Variants in USP21 observed in about 807,000 individuals in gnomAD.
USP21 encodes ubiquitin carboxyl-terminal hydrolase 21.
USP21 carries 37 observed loss-of-function variants against 70.8 expected under a neutral mutation model. That is an observed-to-expected ratio of 0.52 (90% CI 0.40 to 0.69). The LOEUF is 0.69. Among genes scored for constraint, USP21 ranks in the 30% least tolerant of loss-of-function variants. The probability of loss-of-function intolerance (pLI) is 0.00; values close to 1 mark genes in which losing one functional copy is unlikely to be tolerated. For missense variants in USP21, 584 were observed against 740.8 expected, an observed-to-expected ratio of 0.79 and a Z score of 2.46; for synonymous variants, 263 against 283.1, an observed-to-expected ratio of 0.93 and a Z score of 0.71.
Position 161,162,666 on chromosome 1 carries a change from T to A in USP21, c.833T>A (p.Val278Glu). Residue 278 changes from valine (V) to glutamate (E), a missense_variant, in exon 6 of 14, where the codon GTG becomes GAG. By Grantham distance (121) the Val-to-Glu change is moderately radical (BLOSUM62 -2). Around this residue, in one of 4 missense-constraint regions of USP21, gnomAD observed 87 missense variants for 162.4 expected, o/e 0.54. Coordinates refer to ENST00000368002, the MANE Select transcript of USP21 (RefSeq NM_001014443.3). The surrounding 1 kb of genome is among the most constrained non-coding windows in gnomAD (Gnocchi z 4.1). ...TGGCACCCTGACTCCTGCGAAGCTG[T>A]GAATCCTACTCGATTCCGAGCTGTC... is the stretch of plus-strand genomic sequence containing the variant. ...ALWHPDSCEA[V>E]NPTRFRAVFQ... The A allele has an allele frequency of 6.2e-7, 1 of 1,614,216 alleles. No individual in the cohort carries two copies.
At chr1:161,163,742 T>C in intron 8 of USP21, 123 bp downstream of exon 8, 1 of 1,340,074 alleles carries the variant, frequency 7.5e-7, no homozygotes, top group Non-Finnish European at 1.1e-6. Flanking sequence ...TGTGAAGCTG[T>C]GTGAAGAGTT....
chr1:161,161,438 A>G lies in USP21; in HGVS notation c.600+198A>G, dbSNP rs889086984. 1.1e-5 allele frequency: 7 copies of G among 619,330 alleles called. No homozygotes were observed. Among genetic ancestry groups the G allele is most frequent in the Non-Finnish European group, 1.9e-5 (7 of 371,750 alleles). 38.4% of individuals were successfully genotyped at this position (619,330 alleles called of 1,614,324 possible). A position where few individuals can be genotyped will look rare whatever the true frequency, so the allele number is the denominator to read the frequency against. On this transcript the variant is annotated intron_variant, in intron 3 of 13. Coordinates refer to ENST00000368002, the MANE Select transcript of USP21 (RefSeq NM_001014443.3). This position sits in a 1 kb window ranked among gnomAD's most constrained non-coding sequence, Gnocchi z 4.2. ...TTTGGGTTGTTGGTGACTCTTCAGC[A>G]TGGTGTGCCATTTCGGTCCCCAGGG... is the stretch of plus-strand genomic sequence containing the variant.
Position 161,164,141 on chromosome 1 carries a change from C to T in USP21, c.1219-23C>T, listed in dbSNP as rs1180494038. ...GAAAAGGAAATTCAGAACATGTTGA[C>T]CTTTCTTCCCCTTTTCCCCCAGAAA... On this transcript the variant is annotated intron_variant, in intron 9 of 13. Coordinates refer to ENST00000368002, the MANE Select transcript of USP21 (RefSeq NM_001014443.3). This position sits in a 1 kb window ranked among gnomAD's most constrained non-coding sequence, Gnocchi z 4.2. The T allele has an allele frequency of 3.1e-6, 5 of 1,611,716 alleles. No individual in the cohort carries two copies. Among genetic ancestry groups the T allele is most frequent in the East Asian group, 4.5e-5 (2 of 44,874 alleles).
chr1:161,160,060 G>A (rs1657782085), intron 1 of USP21, among the ~76,000 whole-genome samples: 1 of 152,166 alleles, frequency 6.6e-6, no homozygotes, highest in East Asian at 1.9e-4. Context: ...TGCTTCATTT[G>A]CAGCCCAGAG....
Position 161,162,209 on chromosome 1 carries a change from T to C in USP21, c.661-61T>C. The C allele has an allele frequency of 2.5e-6, 4 of 1,612,286 alleles. No homozygotes were observed. The highest frequency in any genetic ancestry group is 3.4e-6 in the Non-Finnish European group (4 of 1,178,744). The stretch of plus-strand genomic sequence containing the variant: ...ATGTGGAAGGAGAGCTCTGAAGCTC[T>C]TCTAAGGCTTCCTGGGCAGTGGTCT... On this transcript the variant is annotated intron_variant, in intron 4 of 13. Transcript: ENST00000368002. This position sits in a 1 kb window ranked among gnomAD's most constrained non-coding sequence, Gnocchi z 4.1.
intron 7 of USP21, 111 bp from the exon 8 acceptor site, chr1:161,163,444 C>T (rs1435911358): frequency 1.1e-6 from 1 of 941,384 alleles, no homozygotes. Context: ...AGGGAAGGAG[C>T]AGGGGTGTGG....
rs1248242227 is a variant in USP21, at chr1:161,164,283, G to T, written c.1305+33G>T. ...GAGGTTCACAAGGGATACAGTAAGG[G>T]TGGGAGACCTGGGGGGACTCCATGT... On this transcript the variant is annotated intron_variant, in intron 10 of 13. Transcript: ENST00000368002. The surrounding 1 kb of genome is among the most constrained non-coding windows in gnomAD (Gnocchi z 4.2). 1 of 1,600,634 alleles carries T rather than the reference G, an allele frequency of 6.2e-7. No individual in the cohort carries two copies. The highest frequency in any genetic ancestry group is 1.7e-5 in the Admixed American group (1 of 60,000).
chr1:161,164,963 C>T lies in USP21; in HGVS notation c.1492+21C>T. 1 of 1,613,596 alleles carries T rather than the reference C, an allele frequency of 6.2e-7. No individual in the cohort carries two copies. The highest frequency in any genetic ancestry group is 2.2e-5 in the East Asian group (1 of 44,850). ...AGCCGGTGAGTCTGGTGGGGAAAGT[C>T]CTAAGGAGCCAAAGGAGTGGGGGCA... On this transcript the variant is annotated intron_variant, in intron 12 of 13. Transcript: ENST00000368002. This position sits in a 1 kb window ranked among gnomAD's most constrained non-coding sequence, Gnocchi z 4.2.
chr1:161,164,229 G>A lies in USP21; in HGVS notation c.1284G>A (p.Glu428=). Residue 428 remains glutamate, a synonymous_variant, in exon 10 of 14, where the codon GAG becomes GAA. Coordinates refer to ENST00000368002, the MANE Select transcript of USP21 (RefSeq NM_001014443.3). This position sits in a 1 kb window ranked among gnomAD's most constrained non-coding sequence, Gnocchi z 4.2. The stretch of plus-strand genomic sequence containing the variant: ...TCAACCTTTTCACTAAGGAAGAAGA[G>A]CTAGAGTCGGAGAATGCCCCAGTAT... ...DCFNLFTKEE[E]LESENAPVCD... 2 of 1,614,220 alleles carry A rather than the reference G, an allele frequency of 1.2e-6. No individual in the cohort carries two copies. Among genetic ancestry groups the A allele is most frequent in the Non-Finnish European group, 1.7e-6 (2 of 1,180,048 alleles).
rs1658296459 is a variant in USP21, at chr1:161,164,402, G to C, written c.1306-132G>C. The C allele has an allele frequency of 7.5e-7, 1 of 1,333,630 alleles. No homozygotes were observed. The allele number at this position is 1,333,630 out of a possible 1,614,324, so 82.6% of individuals were successfully genotyped here. A position where few individuals can be genotyped will look rare whatever the true frequency, so the allele number is the denominator to read the frequency against. On this transcript the variant is annotated intron_variant, in intron 10 of 13. Coordinates refer to ENST00000368002, the MANE Select transcript of USP21 (RefSeq NM_001014443.3). The surrounding 1 kb of genome is among the most constrained non-coding windows in gnomAD (Gnocchi z 4.2). ...TCTCAGATCTGTTCTAGTACTCCTAGAGCAAAGGGGAGAAGCCAAGAGGAT... is the reference window on the plus strand; with the variant it reads ...TCTCAGATCTGTTCTAGTACTCCTACAGCAAAGGGGAGAAGCCAAGAGGAT...
chr1:161,164,049 G>T lies in USP21; in HGVS notation c.1218+68G>T. ...TGTGACCCAAGCCTACCCACCCCCA[G>T]AGTGTGGGCGGGAACCCTGTGGGTT... On this transcript the variant is annotated intron_variant, in intron 9 of 13. Coordinates refer to ENST00000368002, the MANE Select transcript of USP21 (RefSeq NM_001014443.3). This position sits in a 1 kb window ranked among gnomAD's most constrained non-coding sequence, Gnocchi z 4.2. 1 of 1,581,418 alleles carries T rather than the reference G, an allele frequency of 6.3e-7. No individual in the cohort carries two copies. Among genetic ancestry groups the T allele is most frequent in the Non-Finnish European group, 8.7e-7 (1 of 1,150,676 alleles).
Position 161,164,259 on chromosome 1 carries a change from A to G in USP21, c.1305+9A>G, listed in dbSNP as rs372008397. ...AGTCGGAGAATGCCCCAGTATGTGG[A>G]GGTTCACAAGGGATACAGTAAGGGT... On this transcript the variant is annotated intron_variant, in intron 10 of 13. Transcript: ENST00000368002. This position sits in a 1 kb window ranked among gnomAD's most constrained non-coding sequence, Gnocchi z 4.2. The G allele has an allele frequency of 8.8e-5, 142 of 1,613,522 alleles. 1 individual carries two copies. The African/African-American group carries it at 1.6e-3, about 18-fold the overall frequency.
chr1:161,165,574 C>T lies in USP21; in HGVS notation c.*127C>T. On this transcript the variant is annotated 3_prime_UTR_variant, in exon 14 of 14. Coordinates refer to ENST00000368002, the MANE Select transcript of USP21 (RefSeq NM_001014443.3). ...GAGGGGGGAGGGGGTGGTTGTAGCTCCATTATTTTTTTTATTAAAAAATAC... is the reference window on the plus strand; with the variant it reads ...GAGGGGGGAGGGGGTGGTTGTAGCTTCATTATTTTTTTTATTAAAAAATAC... The T allele has an allele frequency of 1.6e-6, 1 of 627,894 alleles. No homozygotes were observed. The highest frequency in any genetic ancestry group is 2.0e-5 in the South Asian group (1 of 49,000). The allele number at this position is 627,894 out of a possible 1,614,324, so 38.9% of individuals were successfully genotyped here. A position where few individuals can be genotyped will look rare whatever the true frequency, so the allele number is the denominator to read the frequency against.
chr1:161,159,901 C>T (rs564733810), intron 1 of USP21, among the ~76,000 whole-genome samples: 34 of 152,292 alleles, frequency 2.2e-4, no homozygotes, highest in African/African-American at 7.9e-4. Flanking sequence ...GCGGACCCGG[C>T]TAAAGCCCTG....
chr1:161,164,133 C>T lies in USP21; in HGVS notation c.1219-31C>T. On this transcript the variant is annotated intron_variant, in intron 9 of 13. Transcript: ENST00000368002. The surrounding 1 kb of genome is among the most constrained non-coding windows in gnomAD (Gnocchi z 4.2). ...AAGAGTTGGAAAAGGAAATTCAGAA[C>T]ATGTTGACCTTTCTTCCCCTTTTCC... is the stretch of plus-strand genomic sequence containing the variant. The T allele has an allele frequency of 6.2e-7, 1 of 1,608,080 alleles. No individual in the cohort carries two copies. The highest frequency in any genetic ancestry group is 8.5e-7 in the Non-Finnish European group (1 of 1,174,542).
rs576637619 is a variant in USP21 at position 161,161,452 on chromosome 1, C to T, written c.600+212C>T. On this transcript the variant is annotated intron_variant, in intron 3 of 13. Coordinates refer to ENST00000368002, the MANE Select transcript of USP21 (RefSeq NM_001014443.3). The surrounding 1 kb of genome is among the most constrained non-coding windows in gnomAD (Gnocchi z 4.2). ...GACTCTTCAGCATGGTGTGCCATTT[C>T]GGTCCCCAGGGGATTACCCCAACTA... The T allele has an allele frequency of 3.0e-4, 176 of 580,852 alleles. 1 individual carries two copies. Among genetic ancestry groups the T allele is most frequent in the South Asian group, 1.9e-3 (77 of 39,992 alleles). The allele number at this position is 580,852 out of a possible 1,614,324, so 36.0% of individuals were successfully genotyped here. A position where few individuals can be genotyped will look rare whatever the true frequency, so the allele number is the denominator to read the frequency against.
In USP21 at chr1:161,165,671, C is replaced by T; in HGVS notation, c.*224C>T. 2.2e-6 allele frequency: 1 copy of T among 459,974 alleles called. No individual in the cohort carries two copies. The highest frequency in any genetic ancestry group is 4.7e-5 in the South Asian group (1 of 21,136). 28.5% of individuals were successfully genotyped at this position (459,974 alleles called of 1,614,324 possible). On this transcript the variant is annotated 3_prime_UTR_variant, in exon 14 of 14. Coordinates refer to ENST00000368002, the MANE Select transcript of USP21 (RefSeq NM_001014443.3). ...TCACCAAGCCCCTGCCCATGTACAG[C>T]CCCCAGACCCTCTGCAATATCACTT...
Position 161,161,424 on chromosome 1 carries a change from G to A in USP21, c.600+184G>A. The A allele has an allele frequency of 1.4e-6, 1 of 705,882 alleles. No homozygotes were observed. The highest frequency in any genetic ancestry group is 2.3e-6 in the Non-Finnish European group (1 of 443,612). The allele number at this position is 705,882 out of a possible 1,614,324, so 43.7% of individuals were successfully genotyped here. On this transcript the variant is annotated intron_variant, in intron 3 of 13. Transcript: ENST00000368002. This position sits in a 1 kb window ranked among gnomAD's most constrained non-coding sequence, Gnocchi z 4.2. ...CTCCTAGACCCTTTTTTGGGTTGTTGGTGACTCTTCAGCATGGTGTGCCAT... is the reference window on the plus strand; with the variant it reads ...CTCCTAGACCCTTTTTTGGGTTGTTAGTGACTCTTCAGCATGGTGTGCCAT...
intron 8 of USP21, 73 bp downstream of exon 8, chr1:161,163,692 T>C (rs1352541054): frequency 4.1e-6 from 6 of 1,453,966 alleles, no homozygotes; most frequent in Non-Finnish European, 9.6e-7. Flanking sequence ...GAAAAATCGA[T>C]ACTATCAAGG....
Sources: gnomAD v4.1 joint callset for allele counts (sites outside exome capture counted in the v4.1 genomes callset) on GRCh38, gnomAD v4.1.1 for gene constraint, gnomAD v4.1.1 regional missense constraint, Gnocchi (gnomAD v3.1) non-coding constraint, MANE v1.5 for transcripts, NCBI Gene and HGNC (gene_info 2026-07-23, HGNC 2026-07-21) for gene names.